Variants in NLRC5 observed in about 807,000 individuals in gnomAD.
The protein encoded by NLRC5 is NLR family CARD domain containing 5, also known as protein NLRC5.
Under a neutral mutation model 206.9 loss-of-function variants are expected in NLRC5, and 114 were observed. The ratio of observed to expected loss-of-function variants is 0.55; its 90% confidence interval spans 0.47 to 0.64. The LOEUF is 0.64. NLRC5 is among the 30% of genes least tolerant of loss of function. The probability of loss-of-function intolerance (pLI) is 0.00; values close to 1 mark genes in which losing one functional copy is unlikely to be tolerated. For synonymous variants in NLRC5, 952 were observed against 962.8 expected (o/e 0.99, Z 0.21); for missense variants, 2,008 against 2,305.5 (o/e 0.87, Z 2.64).
intron 14 of NLRC5, among the ~76,000 whole-genome samples, chr16:57,036,900 AG>A (rs2062656456): frequency 6.6e-6 from 1 of 152,090 alleles, no homozygotes; most frequent in Non-Finnish European, 1.5e-5. Flanking sequence ...TGGTATAGTC[AG>A]GGCTCAGAAA....
intron 38 of NLRC5, among the ~76,000 whole-genome samples, chr16:57,071,293 CGTT>C (rs1196647321): frequency 1.6e-5 from 1 of 62,138 alleles, no homozygotes; most frequent in Non-Finnish European, 3.0e-5. Flanking sequence ...AATGGGGAAG[CGTT>C]GTGAGTGAGT....
intron 1 of NLRC5, among the ~76,000 whole-genome samples, chr16:56,993,212 T>C (rs2057179318): frequency 7.0e-6 from 1 of 142,422 alleles, no homozygotes; most frequent in South Asian, 2.2e-4. Flanking sequence ...CAAATGGCAG[T>C]GTACTATATG....
intron 1 of NLRC5, chr16:57,013,548 T>C (rs2059717953): frequency 2.0e-6 from 2 of 1,023,456 alleles, no homozygotes; most frequent in Non-Finnish European, 3.1e-6. Flanking sequence ...ACTTCAGAAG[T>C]CGAGAGATGC....
At chr16:57,013,861 T>C (rs914946195) in intron 1 of NLRC5, 8 of 653,482 alleles carry the variant, frequency 1.2e-5, no homozygotes, top group African/African-American at 1.8e-5. Context: ...TTTTCAAAAA[T>C]GGCAAGCCAC....
chr16:57,079,875 T>C (rs1567653064), intron 46 of NLRC5, among the ~76,000 whole-genome samples: 1 of 152,178 alleles, frequency 6.6e-6, no homozygotes, highest in Non-Finnish European at 1.5e-5. Context: ...ATTTGTAGAT[T>C]GGTGGGAGGG....
chr16:57,076,560 T>G (rs1370743403), intron 39 of NLRC5, among the ~76,000 whole-genome samples: 2 of 152,180 alleles, frequency 1.3e-5, no homozygotes, highest in African/African-American at 4.8e-5. Context: ...TGGATTTGTT[T>G]CCACCCAGCC....
At chr16:57,058,000 A>G in intron 27 of NLRC5, 65 bp from the exon 28 acceptor site, 1 of 1,300,428 alleles carries the variant, frequency 7.7e-7, no homozygotes. Context: ...GCTCCTGGTG[A>G]CTGAGGAGCA....
chr16:57,041,995 G>A lies in NLRC5; in HGVS notation c.3043G>A (p.Ala1015Thr), dbSNP rs2063338655. The A allele has an allele frequency of 6.3e-7, 1 of 1,579,524 alleles. No homozygotes were observed. The highest frequency in any genetic ancestry group is 8.6e-7 in the Non-Finnish European group (1 of 1,166,760). The part of the protein sequence containing the change: ...GHLHLDFSGN[A>T]LGDEGAARLA... ...CCCCACCCCCAGCTTCTCAGGCAAT[G>A]CTCTGGGGGATGAAGGTGCAGCCCG... The change falls in exon 19 of 49, where the codon GCT becomes ACT. Residue 1015 changes from alanine to threonine, a missense_variant. Coordinates refer to ENST00000688547, the MANE Select transcript of NLRC5 (RefSeq NM_001384950.1).
chr16:56,993,762 C>T (rs2057253126), intron 1 of NLRC5, among the ~76,000 whole-genome samples: 1 of 152,028 alleles, frequency 6.6e-6, no homozygotes, highest in Non-Finnish European at 1.5e-5. Context: ...TTTTTATTGG[C>T]TTTTGGTCTT....
chr16:57,047,341 C>T (rs186980317), intron 22 of NLRC5, among the ~76,000 whole-genome samples: 1 of 152,094 alleles, frequency 6.6e-6, no homozygotes, highest in African/African-American at 2.4e-5. Flanking sequence ...GCTGGGAACT[C>T]AGGGTCCTGC....
intron 18 of NLRC5, among the ~76,000 whole-genome samples, 155 bp downstream of exon 18, chr16:57,041,729 C>T (rs1238950940): frequency 5.3e-5 from 8 of 152,160 alleles, no homozygotes; most frequent in Admixed American, 4.6e-4. Context: ...TGTGACTCTT[C>T]CTCCCAAGAT....
At chr16:57,055,261 G>A (rs2065469958) in intron 26 of NLRC5, among the ~76,000 whole-genome samples, 167 bp downstream of exon 26, 1 of 152,206 alleles carries the variant, frequency 6.6e-6, no homozygotes, top group Non-Finnish European at 1.5e-5. Context: ...ACAGGTCCGG[G>A]TGGGATCTAC....
chr16:57,055,035 C>A lies in NLRC5; in HGVS notation c.3600C>A (p.Ser1200=), dbSNP rs1248628988. 6.2e-7 allele frequency: 1 copy of A among 1,614,210 alleles called. No individual in the cohort carries two copies. The stretch of plus-strand genomic sequence containing the variant: ...ACCCAGGTCCTGTCTGATCCAGGTC[C>A]CTGCACCATGCAACTTTGCACTTCA... The part of the protein sequence containing the change: ...CPRVKKVDLR[S]LHHATLHFRS... Residue 1200 remains serine (S), a synonymous_variant, in exon 26 of 49, where the codon TCC becomes TCA. Transcript: ENST00000688547.
chr16:57,047,886 G>A (rs1156707629), intron 23 of NLRC5: 1 of 525,734 alleles, frequency 1.9e-6, no homozygotes, highest in African/African-American at 1.9e-5. Context: ...ACTCAACTCA[G>A]GGCACCTGGG....
rs754664322 is a variant in NLRC5, at chr16:57,082,470, A to C, written c.5543A>C (p.Glu1848Ala). The change falls in exon 49 of 49, where the codon GAG becomes GCG. Residue 1848 changes from glutamate (E) to alanine (A), a missense_variant. Transcript: ENST00000688547. Reference protein sequence around the residue: ...CDMAQHLKSQEPRLDFAFFDN... With the variant: ...CDMAQHLKSQAPRLDFAFFDN... ...ATGGCCCAGCACCTGAAGAGCCAGG[A>C]GCCCAGGCTGGACTTTGCCTTCTTT... is the stretch of plus-strand genomic sequence containing the variant. The C allele has an allele frequency of 4.3e-6, 7 of 1,613,818 alleles. No individual in the cohort carries two copies. Among genetic ancestry groups the C allele is most frequent in the Non-Finnish European group, 5.9e-6 (7 of 1,179,818 alleles).
intron 1 of NLRC5, among the ~76,000 whole-genome samples, chr16:57,001,649 A>G (rs529236768): frequency 3.4e-3 from 513 of 152,228 alleles, no homozygotes; most frequent in Non-Finnish European, 6.6e-3. Flanking sequence ...GTATATATTT[A>G]TGGGTTACAT....
Position 57,020,985 on chromosome 16 carries a change from GA to G in NLRC5, c.274del (p.Ser92ValfsTer29). 1 of 1,613,840 alleles carries G rather than the reference GA, an allele frequency of 6.2e-7. No homozygotes were observed. The highest frequency in any genetic ancestry group is 8.5e-7 in the Non-Finnish European group (1 of 1,179,818). On this transcript the variant is annotated frameshift_variant, in exon 3 of 49. Coordinates refer to ENST00000688547, the MANE Select transcript of NLRC5 (RefSeq NM_001384950.1). LOFTEE classifies it high-confidence loss of function. ...CTCTGGACCTGGAGGTGCTGCTGCT[GA>G]GTACTTTTGGCTATGATGATGGTAA... ...VPLDLEVLLLSTFGYDDGFTS... is the reference protein window; with the variant it reads ...VPLDLEVLLLXTFGYDDGFTS...
At chr16:57,021,673 A>G (rs2060683144) in intron 3 of NLRC5, among the ~76,000 whole-genome samples, 1 of 152,124 alleles carries the variant, frequency 6.6e-6, no homozygotes, top group South Asian at 2.1e-4. Context: ...ACCTGGCTAG[A>G]GGTGTTTTTG....
intron 1 of NLRC5, among the ~76,000 whole-genome samples, chr16:57,002,921 G>A (rs1320294792): frequency 6.6e-6 from 1 of 152,094 alleles, no homozygotes; most frequent in Non-Finnish European, 1.5e-5. Flanking sequence ...GGGATTATAG[G>A]TGTGAGCCTC....
Sources: allele counts gnomAD v4.1 joint callset (sites outside exome capture counted in the v4.1 genomes callset), GRCh38; gene constraint gnomAD v4.1.1; transcripts MANE v1.5; gene names NCBI Gene and HGNC (gene_info 2026-07-23, HGNC 2026-07-21).